Variants in DNM1L observed in about 807,000 individuals in gnomAD.
The protein encoded by DNM1L is dynamin-1-like protein.
Under a neutral mutation model 92.8 loss-of-function variants are expected in DNM1L, and 33 were observed. That is an observed-to-expected ratio of 0.36 (90% CI 0.27 to 0.48). DNM1L has a LOEUF of 0.48. Ranked by LOEUF, DNM1L falls within the 20% of genes least tolerant of loss-of-function variation. The probability of loss-of-function intolerance (pLI) is 0.99; values close to 1 mark genes in which losing one functional copy is unlikely to be tolerated. For missense variants in DNM1L, 485 were observed against 888.8 expected (o/e 0.55, Z 5.78); for synonymous variants, 284 against 305.0 (o/e 0.93, Z 0.72).
At chr12:32,736,982 G>A (rs541423109) in intron 13 of DNM1L, 123 bp from the exon 14 acceptor site, 346 of 872,640 alleles carry the variant, frequency 4.0e-4, no homozygotes, top group Non-Finnish European at 6.0e-4. Flanking sequence ...TATGGCATGA[G>A]TCCCAACAGT....
intron 1 of DNM1L, among the ~76,000 whole-genome samples, chr12:32,688,177 G>A (rs1952101629): frequency 6.6e-6 from 1 of 152,120 alleles, no homozygotes; most frequent in African/African-American, 2.4e-5. Flanking sequence ...TGCCCACCTT[G>A]GCCTCCCAAA....
chr12:32,685,268 T>A (rs1951961526), intron 1 of DNM1L, among the ~76,000 whole-genome samples: 1 of 151,904 alleles, frequency 6.6e-6, no homozygotes, highest in South Asian at 2.1e-4. Flanking sequence ...CTCTTGGGTA[T>A]ATATCTAAGC....
At chr12:32,711,174 T>C in intron 5 of DNM1L, 159 bp downstream of exon 5, 1 of 670,634 alleles carries the variant, frequency 1.5e-6, no homozygotes, top group Non-Finnish European at 2.7e-6. Flanking sequence ...TTTACTTGGC[T>C]TCCAGGATAC....
chr12:32,689,824 A>G (rs1006441098), intron 1 of DNM1L, among the ~76,000 whole-genome samples: 1 of 152,226 alleles, frequency 6.6e-6, no homozygotes, highest in Non-Finnish European at 1.5e-5. Context: ...AACCTTTTCC[A>G]TGAAAGGCCA....
chr12:32,731,759 C>T lies in DNM1L; in HGVS notation c.1357-95C>T, dbSNP rs1031511463. On this transcript the variant is annotated intron_variant, in intron 11 of 19. Coordinates refer to ENST00000549701, the MANE Select transcript of DNM1L (RefSeq NM_012062.5). This position sits in a 1 kb window ranked among gnomAD's most constrained non-coding sequence, Gnocchi z 5.1. ...TGGCTTCTACATGTAGTCTCAGCTA[C>T]TTGGGAGGCTAAGGTGGGAGGATGG... 1.8e-6 allele frequency: 2 copies of T among 1,108,788 alleles called. No individual in the cohort carries two copies. Among genetic ancestry groups the T allele is most frequent in the African/African-American group, 3.1e-5 (2 of 64,304 alleles). 68.7% of individuals were successfully genotyped at this position (1,108,788 alleles called of 1,614,324 possible). A position where few individuals can be genotyped will look rare whatever the true frequency, so the allele number is the denominator to read the frequency against.
intron 9 of DNM1L, 49 bp downstream of exon 9, chr12:32,722,682 ACTTTTC>A: frequency 6.9e-7 from 1 of 1,445,348 alleles, no homozygotes; most frequent in Non-Finnish European, 9.7e-7. Flanking sequence ...TTGCTAGGTC[ACTTTTC>A]CTTTTGTGAA....
At chr12:32,721,091 G>A (rs1486646318) in intron 8 of DNM1L, among the ~76,000 whole-genome samples, 2 of 152,056 alleles carry the variant, frequency 1.3e-5, no homozygotes, top group Non-Finnish European at 2.9e-5. Context: ...TTTCCACTTT[G>A]CATTTCAGGA....
In DNM1L at chr12:32,737,914, C is replaced by A. The variant is rs754204113; in HGVS notation, c.1646C>A (p.Pro549His). ...ALAPASQEPS[P>H]AASAEADGKL... ...GCACCTGCCTCCCAGGAGCCCTCCC[C>A]CGCTGCTTCTGCTGAGGCTGATGGC... Residue 549 changes from proline to histidine, a missense_variant, in exon 15 of 20, where the codon CCC becomes CAC. Transcript: ENST00000549701. 1 of 1,613,884 alleles carries A rather than the reference C, an allele frequency of 6.2e-7. No homozygotes were observed. Among genetic ancestry groups the A allele is most frequent in the Non-Finnish European group, 8.5e-7 (1 of 1,180,000 alleles).
At chr12:32,717,401 TATATA>T (rs1412192662) in intron 6 of DNM1L, among the ~76,000 whole-genome samples, 5 of 69,780 alleles carry the variant, frequency 7.2e-5, no homozygotes, top group Non-Finnish European at 1.3e-4. Context: ...GTATATATAA[TATATA>T]ATATATATTT....
intron 1 of DNM1L, among the ~76,000 whole-genome samples, chr12:32,689,142 T>C (rs534147011): frequency 2.0e-5 from 3 of 152,208 alleles, no homozygotes; most frequent in Non-Finnish European, 4.4e-5. Context: ...ATTTATATTT[T>C]GTCATTAGGT....
chr12:32,716,624 T>C (rs537642275), intron 6 of DNM1L, among the ~76,000 whole-genome samples: 65 of 151,794 alleles, frequency 4.3e-4, no homozygotes, highest in African/African-American at 1.4e-3. Context: ...TGGATGTAAA[T>C]TTTATACAGA....
Position 32,742,888 on chromosome 12 carries a change from CTTTTTTTTT to C in DNM1L, c.2154+157_2154+165del, listed in dbSNP as rs36039451. 483 of 248,662 alleles carry C rather than the reference CTTTTTTTTT, an allele frequency of 1.9e-3. 2 individuals carry two copies. In the East Asian group the frequency reaches 0.021, roughly 11 times the overall value. The allele number at this position is 248,662 out of a possible 1,614,324, so 15.4% of individuals were successfully genotyped here. A position where few individuals can be genotyped will look rare whatever the true frequency, so the allele number is the denominator to read the frequency against. On this transcript the variant is annotated intron_variant, in intron 19 of 19. Coordinates refer to ENST00000549701, the MANE Select transcript of DNM1L (RefSeq NM_012062.5). ...TTTCCTGTTGGTACTTGATAAGAAT[CTTTTTTTTT>C]TTTTTTTTTTTTTTTTGAGTGGGAG...
At chr12:32,724,621 AATTAT>A (rs1391953443) in intron 9 of DNM1L, among the ~76,000 whole-genome samples, 8 of 140,972 alleles carry the variant, frequency 5.7e-5, no homozygotes, top group African/African-American at 1.8e-4. Context: ...TATATATATA[AATTAT>A]ATTAATTAAA....
At chr12:32,690,946 T>G (rs184972519) in intron 1 of DNM1L, among the ~76,000 whole-genome samples, 2 of 152,318 alleles carry the variant, frequency 1.3e-5, no homozygotes, top group East Asian at 3.9e-4. Flanking sequence ...AAGTCTGGAT[T>G]GATTTTATTC....
intron 6 of DNM1L, 121 bp downstream of exon 6, chr12:32,713,492 T>A: frequency 9.0e-7 from 1 of 1,111,952 alleles, no homozygotes; most frequent in Admixed American, 2.1e-5. Flanking sequence ...TAAAAGATAA[T>A]GCTTTCCTAT....
chr12:32,697,278 A>G (rs10844306), intron 1 of DNM1L, among the ~76,000 whole-genome samples: 1 of 151,948 alleles, frequency 6.6e-6, no homozygotes, highest in East Asian at 1.9e-4. Context: ...TTTGAAGAAT[A>G]TTTTTCCCAT....
chr12:32,724,718 C>G (rs1202543507), intron 9 of DNM1L, among the ~76,000 whole-genome samples: 3 of 144,854 alleles, frequency 2.1e-5, no homozygotes, highest in African/African-American at 7.6e-5. Flanking sequence ...AGATCACTAA[C>G]TGATAGTTTA....
At chr12:32,711,659 C>G (rs1953129487) in intron 5 of DNM1L, among the ~76,000 whole-genome samples, 1 of 151,988 alleles carries the variant, frequency 6.6e-6, no homozygotes, top group Admixed American at 6.6e-5. Context: ...TTTGGGAGAT[C>G]AAGGTGGGAG....
chr12:32,737,326 T>C, intron 14 of DNM1L, 165 bp downstream of exon 14: 1 of 645,826 alleles, frequency 1.5e-6, no homozygotes, highest in South Asian at 2.0e-5. Context: ...TTTTGAGTGA[T>C]TTAAAGATAA....
Sources: gnomAD v4.1 joint callset for allele counts (sites outside exome capture counted in the v4.1 genomes callset) on GRCh38, gnomAD v4.1.1 for gene constraint, Gnocchi (gnomAD v3.1) non-coding constraint, MANE v1.5 for transcripts, NCBI Gene and HGNC (gene_info 2026-07-23, HGNC 2026-07-21) for gene names.